The following SOX30 variants were observed in gnomAD, a reference collection of about 807,000 sequenced individuals.
The protein encoded by SOX30 is transcription factor SOX-30.
In SOX30, 17 loss-of-function variants were observed where a neutral mutation model predicts 58.6. The observed-to-expected ratio is 0.29, with a 90% CI of 0.20 to 0.44. SOX30 has a LOEUF of 0.44. Ranked by LOEUF, SOX30 falls within the 20% of genes least tolerant of loss-of-function variation. The probability of loss-of-function intolerance (pLI) is 1.00; values close to 1 mark genes in which losing one functional copy is unlikely to be tolerated. For synonymous variants in SOX30, 421 were observed against 400.2 expected (o/e 1.05, Z -0.62); for missense variants, 951 against 965.8 (o/e 0.98, Z 0.20).
intron 2 of SOX30, among the ~76,000 whole-genome samples, chr5:157,665,268 A>G (rs1312201888): frequency 6.6e-6 from 1 of 152,246 alleles, no homozygotes; most frequent in South Asian, 2.1e-4. Flanking sequence ...CTATGCAGCC[A>G]TAAAAAATGA....
chr5:157,657,390 G>T (rs1759496436), upstream of SOX30, among the ~76,000 whole-genome samples: 1 of 152,116 alleles, frequency 6.6e-6, no homozygotes, highest in Admixed American at 6.5e-5. Context: ...CACAATTGTT[G>T]TCTTTTAATC....
Position 157,651,709 on chromosome 5 carries a change from C to T in SOX30, c.370G>A (p.Glu124Lys), listed in dbSNP as rs771385315. The stretch of plus-strand genomic sequence containing the variant: ...GCCAGGGGCTGCACCGGGTGCAACT[C>T]GGGCCTGGAGGTGGCGCCGTCTGAC... ...TASDGATSRP[E>K]LHPVQPLALH... Residue 124 changes from glutamate to lysine, a missense_variant, in exon 1 of 5, where the codon GAG becomes AAG. Physicochemically the swap from Glu to Lys is moderately conservative, Grantham distance 56. This residue lies in a region of SOX30 where 363 missense variants were observed against 294.5 expected (regional missense o/e 1.23). Coordinates refer to ENST00000265007, the MANE Select transcript of SOX30 (RefSeq NM_178424.2). The T allele has an allele frequency of 1.9e-6, 3 of 1,585,200 alleles. No homozygotes were observed. Among genetic ancestry groups the T allele is most frequent in the East Asian group, 4.6e-5 (2 of 43,120 alleles).
At chr5:157,644,963 G>A (rs1007409325) in intron 3 of SOX30, among the ~76,000 whole-genome samples, 3 of 152,052 alleles carry the variant, frequency 2.0e-5, no homozygotes, top group African/African-American at 2.4e-5. Context: ...CTTGGGTAAC[G>A]GAGCAAGACT....
chr5:157,652,585 C>A (rs146014297), upstream of SOX30, among the ~76,000 whole-genome samples: 1 of 152,326 alleles, frequency 6.6e-6, no homozygotes, highest in East Asian at 1.9e-4. Flanking sequence ...GCTTTTGAAT[C>A]TTTGCCAAGG....
chr5:157,630,363 C>G (rs1161432333), intron 4 of SOX30, among the ~76,000 whole-genome samples: 1 of 152,036 alleles, frequency 6.6e-6, no homozygotes, highest in African/African-American at 2.4e-5. Flanking sequence ...CTTTGCATGT[C>G]TTGTAACTTT....
At position 157,638,430 on chromosome 5, in the gene SOX30, C is replaced by T. The variant is rs563328679; in HGVS notation, c.1680G>A (p.Ser560=). 7.4e-6 allele frequency: 12 copies of T among 1,613,936 alleles called. No homozygotes were observed. The highest frequency in any genetic ancestry group is 2.7e-5 in the African/African-American group (2 of 74,962). Residue 560 remains serine (S), a synonymous_variant, in exon 4 of 5, where the codon TCG becomes TCA. Coordinates refer to ENST00000265007, the MANE Select transcript of SOX30 (RefSeq NM_178424.2). Reference sequence around the variant, plus strand: ...AATACTCCCTAGGAGGTTGGATGGTCGAAGTTGCAAATCTGGCATGGGCAG... The same window carrying T: ...AATACTCCCTAGGAGGTTGGATGGTTGAAGTTGCAAATCTGGCATGGGCAG... The part of the protein sequence containing the change: ...ASTAHARFAT[S]TIQPPREYSS...
chr5:157,666,011 A>G (rs1212073782), intron 2 of SOX30, among the ~76,000 whole-genome samples: 9 of 150,700 alleles, frequency 6.0e-5, no homozygotes, highest in Non-Finnish European at 1.2e-4. Flanking sequence ...CCTGAAAGCC[A>G]CTTAGTTATT....
Position 157,648,668 on chromosome 5 carries a change from T to G in SOX30, c.1196A>C (p.Glu399Ala), listed in dbSNP as rs757877671. 2 of 1,612,642 alleles carry G rather than the reference T, an allele frequency of 1.2e-6. No homozygotes were observed. The highest frequency in any genetic ancestry group is 2.7e-5 in the African/African-American group (2 of 74,872). Residue 399 changes from glutamate (E) to alanine (A), a missense_variant, in exon 2 of 5, where the codon GAG becomes GCG. By Grantham distance (107) the Glu-to-Ala change is moderately radical. Coordinates refer to ENST00000265007, the MANE Select transcript of SOX30 (RefSeq NM_178424.2). ...TTTAATTTGATTACCAGGAAATTCC[T>G]CTCTGTGCTTTTCCTTAATCTTTTG... ...EAQKIKEKHR[E>A]EFPGWVYQPR... is the part of the protein sequence containing the mutation.
At chr5:157,631,901 G>A (rs1459228639) in intron 4 of SOX30, among the ~76,000 whole-genome samples, 1 of 151,122 alleles carries the variant, frequency 6.6e-6, no homozygotes, top group Admixed American at 6.6e-5. Flanking sequence ...ATATTAGCTG[G>A]GCATGGTGGT....
At chr5:157,660,110 A>G (rs1759551929) in intron 2 of SOX30, among the ~76,000 whole-genome samples, 1 of 152,194 alleles carries the variant, frequency 6.6e-6, no homozygotes, top group African/African-American at 2.4e-5. Context: ...AGCCTGAGCT[A>G]GTGTTTTAGG....
intron 3 of SOX30, among the ~76,000 whole-genome samples, chr5:157,640,604 C>T (rs1759037859): frequency 6.6e-6 from 1 of 152,104 alleles, no homozygotes; most frequent in Non-Finnish European, 1.5e-5. Context: ...CATTCCACCA[C>T]AAATCTTACT....
chr5:157,637,046 T>A (rs1057502308), intron 4 of SOX30, among the ~76,000 whole-genome samples: 22 of 147,754 alleles, frequency 1.5e-4, no homozygotes, highest in African/African-American at 5.6e-4. Flanking sequence ...GGCAGGAGAA[T>A]CGCTTGAACC....
chr5:157,662,144 G>A (rs1159768457), intron 2 of SOX30, among the ~76,000 whole-genome samples: 3 of 152,220 alleles, frequency 2.0e-5, no homozygotes, highest in Admixed American at 2.0e-4. Flanking sequence ...GCATAAGGTT[G>A]TTCAAAATAT....
At chr5:157,671,017 C>CGCCT (rs1488925899) in intron 1 of SOX30, among the ~76,000 whole-genome samples, 1 of 152,126 alleles carries the variant, frequency 6.6e-6, no homozygotes, top group Non-Finnish European at 1.5e-5. Flanking sequence ...TAGGCTTCTT[C>CGCCT]GCCTGCTCGG....
intron 2 of SOX30, chr5:157,667,687 T>C: frequency 7.0e-7 from 1 of 1,432,142 alleles, no homozygotes; most frequent in Non-Finnish European, 9.2e-7. Flanking sequence ...TGCAGTGACC[T>C]GATATCATGC....
intron 3 of SOX30, among the ~76,000 whole-genome samples, chr5:157,640,786 CTGATCA>C (rs1032373795): frequency 5.3e-5 from 8 of 152,116 alleles, no homozygotes; most frequent in African/African-American, 1.9e-4. Flanking sequence ...GGGAGATTTT[CTGATCA>C]TGATCAACAT....
At chr5:157,655,905 C>T (rs568268524), upstream of SOX30, among the ~76,000 whole-genome samples, 9 of 152,264 alleles carry the variant, frequency 5.9e-5, no homozygotes, top group South Asian at 1.9e-3. Context: ...AAGAGGGGTA[C>T]CTTAGGATAG....
At position 157,638,351 on chromosome 5, in the gene SOX30, G is replaced by C. The variant is rs1424297561; in HGVS notation, c.1759C>G (p.Pro587Ala). The change falls in exon 4 of 5, where the codon CCA becomes GCA. Residue 587 changes from proline to alanine, a missense_variant. By Grantham distance (27) the Pro-to-Ala change is conservative. Transcript: ENST00000265007. ...GGGGGCTGGTAGACATGTGGGTGTGGAATGGGAGAAGCCTGGGGGATTGGA... is the reference window on the plus strand; with the variant it reads ...GGGGGCTGGTAGACATGTGGGTGTGCAATGGGAGAAGCCTGGGGGATTGGA... ...SAPIPQASPI[P>A]HPHVYQPPPL... 6.2e-7 allele frequency: 1 copy of C among 1,613,668 alleles called. No homozygotes were observed. Among genetic ancestry groups the C allele is most frequent in the Admixed American group, 1.7e-5 (1 of 59,986 alleles).
chr5:157,628,377 A>T (rs1007863386), intron 4 of SOX30, among the ~76,000 whole-genome samples: 51 of 150,272 alleles, frequency 3.4e-4, no homozygotes, highest in Non-Finnish European at 6.5e-4. Context: ...ACACACACAC[A>T]CACACACACA....
Sources: allele counts gnomAD v4.1 joint callset (sites outside exome capture counted in the v4.1 genomes callset), GRCh38; gene constraint gnomAD v4.1.1; regional missense constraint gnomAD v4.1.1; transcripts MANE v1.5; gene names NCBI Gene and HGNC (gene_info 2026-07-23, HGNC 2026-07-21).